FGFR2: variants seen among roughly 807,000 people sequenced by gnomAD.
The protein encoded by FGFR2 is fibroblast growth factor receptor 2, also known as BEK fibroblast growth factor receptor.
Under a neutral mutation model 95.9 loss-of-function variants are expected in FGFR2, and 19 were observed. The observed-to-expected ratio is 0.20, with a 90% confidence interval of 0.14 to 0.29. The LOEUF is 0.29. Among genes scored for constraint, FGFR2 ranks in the 10% least tolerant of loss-of-function variants. The probability of loss-of-function intolerance (pLI) is 1.00; values close to 1 mark genes in which losing one functional copy is unlikely to be tolerated. For missense variants in FGFR2, 707 were observed against 1,056.9 expected, an observed-to-expected ratio of 0.67 and a Z score of 4.59; for synonymous variants, 392 against 393.3, an observed-to-expected ratio of 1.00 and a Z score of 0.04.
chr10:121,547,981 G>A (rs904905812), intron 5 of FGFR2, among the ~76,000 whole-genome samples: 6 of 152,190 alleles, frequency 3.9e-5, no homozygotes, highest in African/African-American at 1.4e-4. Flanking sequence ...GATGAGAAAT[G>A]TGTCTTTCCT....
chr10:121,518,566 C>T lies in FGFR2; in HGVS notation c.940-1103G>A, dbSNP rs930554513. The stretch of plus-strand genomic sequence containing the variant: ...CCGAAGAAAGATTATTATAAATATA[C>T]CAAGGCCACAAGAGTTATCCTATAA... On this transcript the variant is annotated intron_variant, in intron 7 of 17. Transcript: ENST00000358487. This position sits in a 1 kb window ranked among gnomAD's most constrained non-coding sequence, Gnocchi z 4.0. 5.2e-6 allele frequency: 6 copies of T among 1,159,210 alleles called. No homozygotes were observed. The Admixed American group carries it at 6.4e-5, about 12-fold the overall frequency. The allele number at this position is 1,159,210 out of a possible 1,614,324, so 71.8% of individuals were successfully genotyped here.
At chr10:121,528,314 T>A (rs971807820) in intron 6 of FGFR2, among the ~76,000 whole-genome samples, 1 of 152,192 alleles carries the variant, frequency 6.6e-6, no homozygotes, top group Non-Finnish European at 1.5e-5. Context: ...GGGTTTTTTT[T>A]ACTGGAAAAC....
Position 121,517,575 on chromosome 10 carries a change from G to T in FGFR2, c.940-112C>A. ...GGGGCTTCAGGGGGTGCTGGCCACT[G>T]GGAGATTCCGACTGCAGCCCATCCA... is the stretch of plus-strand genomic sequence containing the variant. On this transcript the variant is annotated intron_variant, in intron 7 of 17. Coordinates refer to ENST00000358487, the MANE Select transcript of FGFR2 (RefSeq NM_000141.5). The surrounding 1 kb of genome is among the most constrained non-coding windows in gnomAD (Gnocchi z 4.7). The T allele has an allele frequency of 8.0e-7, 1 of 1,247,280 alleles. No homozygotes were observed. The highest frequency in any genetic ancestry group is 1.2e-6 in the Non-Finnish European group (1 of 867,936). 77.3% of individuals were successfully genotyped at this position (1,247,280 alleles called of 1,614,324 possible). A position where few individuals can be genotyped will look rare whatever the true frequency, so the allele number is the denominator to read the frequency against.
At position 121,486,631 on chromosome 10, in the gene FGFR2, G is replaced by A. The variant is rs1429550702; in HGVS notation, c.2057+723C>T. ...TAATTTTTGTAGTTTTAGTAGAGAC[G>A]GGGTTTCACCATGTTGGCCAGGATG... On this transcript the variant is annotated intron_variant, in intron 15 of 17. Transcript: ENST00000358487. Among the ~76,000 whole-genome samples the A allele has an allele frequency of 7.9e-5, 12 of 152,240 alleles. No homozygotes were observed. The East Asian group carries it at 1.2e-3, about 15-fold the overall frequency.
chr10:121,590,957 G>A (rs540633430), intron 2 of FGFR2, among the ~76,000 whole-genome samples: 10 of 152,038 alleles, frequency 6.6e-5, no homozygotes, highest in Non-Finnish European at 1.3e-4. Flanking sequence ...ATGGACAGGG[G>A]CACAGGCACG....
rs747735574 is a variant in FGFR2, at chr10:121,518,088, T to C, written c.940-625A>G. 7.2e-5 allele frequency: 35 copies of C among 488,522 alleles called. No individual in the cohort carries two copies. In the Middle Eastern group the frequency reaches 9.9e-4, roughly 14 times the overall value. 30.3% of individuals were successfully genotyped at this position (488,522 alleles called of 1,614,324 possible). A position where few individuals can be genotyped will look rare whatever the true frequency, so the allele number is the denominator to read the frequency against. ...ACTGGGCTTTTTCTCTTTTCATTAA[T>C]AAACATTTGGATGTGAGTCATGACA... On this transcript the variant is annotated intron_variant, in intron 7 of 17. Coordinates refer to ENST00000358487, the MANE Select transcript of FGFR2 (RefSeq NM_000141.5). The surrounding 1 kb of genome is among the most constrained non-coding windows in gnomAD (Gnocchi z 4.0).
chr10:121,544,429 G>A (rs1269991445), intron 5 of FGFR2, among the ~76,000 whole-genome samples: 12 of 140,356 alleles, frequency 8.5e-5, no homozygotes, highest in African/African-American at 3.0e-4. Context: ...GGGCAACAGA[G>A]TGAAACTCCG....
intron 11 of FGFR2, among the ~76,000 whole-genome samples, chr10:121,499,096 G>A (rs1469068176): frequency 2.0e-5 from 3 of 152,276 alleles, no homozygotes; most frequent in South Asian, 2.1e-4. Context: ...GGCCATAAAC[G>A]TGTGTGCATG....
At position 121,503,801 on chromosome 10, in the gene FGFR2, A is replaced by C; in HGVS notation, c.1428T>G (p.Phe476Leu). 6.2e-7 allele frequency: 1 copy of C among 1,614,136 alleles called. No individual in the cohort carries two copies. Among genetic ancestry groups the C allele is most frequent in the Non-Finnish European group, 8.5e-7 (1 of 1,180,012 alleles). ...YELPEDPKWE[F>L]PRDKLTLGKP... is the part of the protein sequence containing the mutation. ...AGAGAAGTACTCACTTATCTCTTGG[A>C]AACTCCCATTTTGGGTCCTCTGGAA... Residue 476 changes from phenylalanine to leucine, a missense_variant, in exon 10 of 18, where the codon TTT becomes TTG. Phe to Leu is a conservative substitution (Grantham distance 22, BLOSUM62 0). Transcript: ENST00000358487.
intron 2 of FGFR2, among the ~76,000 whole-genome samples, chr10:121,574,640 A>G (rs1371843456): frequency 6.6e-6 from 1 of 152,208 alleles, no homozygotes; most frequent in Non-Finnish European, 1.5e-5. Context: ...CTGTGTACAC[A>G]GCAACGAAGA....
chr10:121,517,695 A>T lies in FGFR2; in HGVS notation c.940-232T>A, dbSNP rs1849878755. ...GCTTCACCTCCTACACATGCACGCAATCAAACGCATGGAAAAAATCAACCC... is the reference window on the plus strand; with the variant it reads ...GCTTCACCTCCTACACATGCACGCATTCAAACGCATGGAAAAAATCAACCC... On this transcript the variant is annotated intron_variant, in intron 7 of 17. Coordinates refer to ENST00000358487, the MANE Select transcript of FGFR2 (RefSeq NM_000141.5). The surrounding 1 kb of genome is among the most constrained non-coding windows in gnomAD (Gnocchi z 4.7). 1.3e-5 allele frequency among the ~76,000 whole-genome samples: 2 copies of T among 152,018 alleles called. No individual in the cohort carries two copies. Among genetic ancestry groups the T allele is most frequent in the South Asian group, 4.2e-4 (2 of 4,806 alleles).
chr10:121,547,033 T>C (rs1328739410), intron 5 of FGFR2, among the ~76,000 whole-genome samples: 1 of 152,164 alleles, frequency 6.6e-6, no homozygotes, highest in Non-Finnish European at 1.5e-5. Context: ...GAGACCAGCA[T>C]GACCAACATG....
chr10:121,564,408 A>T, intron 4 of FGFR2, 94 bp downstream of exon 4: 1 of 1,174,036 alleles, frequency 8.5e-7, no homozygotes, highest in Non-Finnish European at 1.3e-6. Context: ...GGGACACAGC[A>T]TGGCGCAGAA....
chr10:121,510,201 G>A (rs767851082), intron 9 of FGFR2, among the ~76,000 whole-genome samples: 2 of 152,150 alleles, frequency 1.3e-5, no homozygotes, highest in Non-Finnish European at 2.9e-5. Context: ...CTCCCATAGC[G>A]AGTCTCTGCC....
intron 1 of FGFR2, 184 bp from the exon 2 acceptor site, chr10:121,594,151 A>T: frequency 2.1e-6 from 1 of 485,876 alleles, no homozygotes; most frequent in South Asian, 2.1e-5. Context: ...GGTCCACAGA[A>T]ATGTGTGAGG....
intron 4 of FGFR2, among the ~76,000 whole-genome samples, chr10:121,556,177 T>C (rs1260696147): frequency 7.2e-5 from 11 of 152,146 alleles, no homozygotes; most frequent in Admixed American, 7.2e-4. Context: ...GCTTTAGCTA[T>C]AAAATGAAGT....
In FGFR2 at chr10:121,503,859, G is replaced by C. The variant is rs1245946700; in HGVS notation, c.1370C>G (p.Thr457Ser). ...CTCGGAGACCCCTGCCAGCATGGGG[G>C]TGTCTGCCGTTGAAGAGAGGCGTGT... ...ITTRLSSTAD[T>S]PMLAGVSEYE... Residue 457 changes from threonine to serine, a missense_variant, in exon 10 of 18, where the codon ACC becomes AGC. By Grantham distance (58) the Thr-to-Ser change is moderately conservative. This residue lies in a region of FGFR2 where 194 missense variants were observed against 267.3 expected (regional missense o/e 0.73). Coordinates refer to ENST00000358487, the MANE Select transcript of FGFR2 (RefSeq NM_000141.5). The C allele has an allele frequency of 6.2e-7, 1 of 1,614,122 alleles. No individual in the cohort carries two copies. The highest frequency in any genetic ancestry group is 1.7e-5 in the Admixed American group (1 of 60,014).
intron 1 of FGFR2, among the ~76,000 whole-genome samples, chr10:121,594,547 AT>A (rs1474923362): frequency 2.0e-5 from 3 of 152,222 alleles, no homozygotes; most frequent in African/African-American, 7.2e-5. Flanking sequence ...GCTACAGAAA[AT>A]TCCCACCAGT....
chr10:121,517,107 G>A lies in FGFR2; in HGVS notation c.1084+212C>T, dbSNP rs1849784182. On this transcript the variant is annotated intron_variant, in intron 8 of 17. Coordinates refer to ENST00000358487, the MANE Select transcript of FGFR2 (RefSeq NM_000141.5). The surrounding 1 kb of genome is among the most constrained non-coding windows in gnomAD (Gnocchi z 4.7). ...TGAGATCCCTTCAGGTTTTAAGGGT[G>A]AAATTTCCCTTGATCATAAATGTGA... 1.6e-6 allele frequency: 1 copy of A among 627,080 alleles called. No homozygotes were observed. Among genetic ancestry groups the A allele is most frequent in the Admixed American group, 2.7e-5 (1 of 37,338 alleles). The allele number at this position is 627,080 out of a possible 1,614,324, so 38.8% of individuals were successfully genotyped here. A position where few individuals can be genotyped will look rare whatever the true frequency, so the allele number is the denominator to read the frequency against.
Sources: allele counts gnomAD v4.1 joint callset (sites outside exome capture counted in the v4.1 genomes callset), GRCh38; gene constraint gnomAD v4.1.1; regional missense constraint gnomAD v4.1.1; non-coding constraint Gnocchi (gnomAD v3.1); transcripts MANE v1.5; gene names NCBI Gene and HGNC (gene_info 2026-07-23, HGNC 2026-07-21).